The following PRRT1B variants were observed in gnomAD, a reference collection of about 807,000 sequenced individuals.
PRRT1B encodes the protein proline rich transmembrane protein 1B.
Position 131,551,109 on chromosome 9 carries a change from AT to A in PRRT1B, c.26-3442del, listed in dbSNP as rs1169577244. Among the ~76,000 whole-genome samples, 11 of 151,186 alleles carry A rather than the reference AT, an allele frequency of 7.3e-5. No individual in the cohort carries two copies. Among genetic ancestry groups the A allele is most frequent in the African/African-American group, 2.7e-4 (11 of 41,216 alleles). On this transcript the variant is annotated intron_variant, in intron 1 of 3. Transcript: ENST00000636672. The surrounding 1 kb of genome is among the most constrained non-coding windows in gnomAD (Gnocchi z 4.4). ...AGGCACCCGCCACCATGCTCCGCTA[AT>A]TTTTTGTATTTTTAGTAGAGACGGG...
intron 1 of PRRT1B, among the ~76,000 whole-genome samples, chr9:131,548,712 TC>T (rs908085855): frequency 2.0e-5 from 3 of 152,102 alleles, no homozygotes; most frequent in African/African-American, 7.2e-5. Flanking sequence ...ATCTGACCTC[TC>T]CCCTCCTCCC....
chr9:131,557,582 G>A (rs1951058795), intron 3 of PRRT1B, among the ~76,000 whole-genome samples: 1 of 152,146 alleles, frequency 6.6e-6, no homozygotes, highest in South Asian at 2.1e-4. Context: ...GGGGGCCTAT[G>A]CTCAAGGCTG....
intron 3 of PRRT1B, among the ~76,000 whole-genome samples, 192 bp from the exon 4 acceptor site, chr9:131,557,861 C>A (rs1244375460): frequency 6.6e-6 from 1 of 152,254 alleles, no homozygotes; most frequent in East Asian, 1.9e-4. Context: ...GCGTGACAAG[C>A]GCCTGATGGC....
At chr9:131,550,797 C>T (rs1185870094) in intron 1 of PRRT1B, among the ~76,000 whole-genome samples, 2 of 152,188 alleles carry the variant, frequency 1.3e-5, no homozygotes, top group Non-Finnish European at 2.9e-5. Context: ...CTAATCTTTT[C>T]TGGCAGGGCT....
intron 1 of PRRT1B, among the ~76,000 whole-genome samples, chr9:131,552,839 A>ATTTT (rs61662684): frequency 1.1e-4 from 15 of 133,798 alleles, no homozygotes; most frequent in Non-Finnish European, 1.1e-4. Flanking sequence ...CACCTGGTTA[A>ATTTT]TTTTTTTTTT....
intron 1 of PRRT1B, among the ~76,000 whole-genome samples, chr9:131,552,825 G>T (rs1951020420): frequency 6.7e-6 from 1 of 149,944 alleles, no homozygotes; most frequent in Admixed American, 6.7e-5. Flanking sequence ...CACTTGTGCT[G>T]CCACACCTGG....
exon 1 of PRRT1B, chr9:131,545,536 C>T (rs866388374): frequency 2.5e-6 from 1 of 394,840 alleles, no homozygotes; most frequent in Middle Eastern, 6.4e-4. Context: ...CCTGAGCCCG[C>T]GGCGCAAGCG....
intron 1 of PRRT1B, among the ~76,000 whole-genome samples, chr9:131,552,754 C>T (rs933526645): frequency 6.6e-6 from 1 of 151,378 alleles, no homozygotes; most frequent in Non-Finnish European, 1.5e-5. Flanking sequence ...CTCACTGCAA[C>T]CTTCACCTCT....
Position 131,545,652 on chromosome 9 carries a change from G to T in PRRT1B, c.25+12G>T, listed in dbSNP as rs1237899787. 3 of 400,830 alleles carry T rather than the reference G, an allele frequency of 7.5e-6. No individual in the cohort carries two copies. The highest frequency in any genetic ancestry group is 6.2e-5 in the African/African-American group (3 of 48,496). The allele number at this position is 400,830 out of a possible 1,614,324, so 24.8% of individuals were successfully genotyped here. A position where few individuals can be genotyped will look rare whatever the true frequency, so the allele number is the denominator to read the frequency against. ...AGCTGGAGGGGCAGGTGCCGGAGGG[G>T]CAGGTGCTGGTGGGACAGGTACTGG... is the stretch of plus-strand genomic sequence containing the variant. On this transcript the variant is annotated intron_variant, in intron 1 of 3. Coordinates refer to ENST00000636672, the Ensembl canonical transcript of PRRT1B.
chr9:131,557,618 C>T (rs1951059003), intron 3 of PRRT1B, among the ~76,000 whole-genome samples: 1 of 152,232 alleles, frequency 6.6e-6, no homozygotes, highest in African/African-American at 2.4e-5. Context: ...TGGCTTGACT[C>T]TGCTGTTCAA....
chr9:131,557,910 G>A, intron 3 of PRRT1B, 143 bp from the exon 4 acceptor site: 5 of 397,220 alleles, frequency 1.3e-5, no homozygotes, highest in Non-Finnish European at 2.2e-5. Context: ...CCCCTTTCGA[G>A]CTGTGGGCCT....
At chr9:131,546,436 T>C (rs1482640268) in intron 1 of PRRT1B, among the ~76,000 whole-genome samples, 5 of 151,926 alleles carry the variant, frequency 3.3e-5, no homozygotes, top group Non-Finnish European at 5.9e-5. Context: ...CGAGACCTCG[T>C]CCTTGCCCTG....
chr9:131,546,088 G>A (rs1383100725), intron 1 of PRRT1B, among the ~76,000 whole-genome samples: 1 of 152,164 alleles, frequency 6.6e-6, no homozygotes, highest in East Asian at 1.9e-4. Context: ...GGGCAGCGGC[G>A]GTTCATTCTC....
At chr9:131,553,078 T>C (rs1951022473) in intron 1 of PRRT1B, among the ~76,000 whole-genome samples, 1 of 152,162 alleles carries the variant, frequency 6.6e-6, no homozygotes, top group African/African-American at 2.4e-5. Flanking sequence ...TTGTCTAGAC[T>C]TTTCAGTTGT....
intron 1 of PRRT1B, among the ~76,000 whole-genome samples, chr9:131,552,906 G>A (rs1191967656): frequency 6.8e-6 from 1 of 146,354 alleles, no homozygotes; most frequent in Non-Finnish European, 1.5e-5. Context: ...GGGTGGTCTC[G>A]AACTGCTGAG....
intron 1 of PRRT1B, among the ~76,000 whole-genome samples, chr9:131,546,887 GAC>G (rs1035891244): frequency 1.6e-4 from 25 of 152,218 alleles, no homozygotes; most frequent in African/African-American, 4.8e-4. Context: ...CTGGGGCAGG[GAC>G]ACCATCCCGG....
chr9:131,555,223 C>T (rs1951041167), intron 2 of PRRT1B, among the ~76,000 whole-genome samples, 194 bp downstream of exon 2: 1 of 151,882 alleles, frequency 6.6e-6, no homozygotes, highest in Admixed American at 6.6e-5. Context: ...CGACGGGCGC[C>T]CTGGACAGAG....
chr9:131,555,247 C>T (rs978458330), intron 2 of PRRT1B, among the ~76,000 whole-genome samples: 1 of 152,110 alleles, frequency 6.6e-6, no homozygotes, highest in Admixed American at 6.5e-5. Context: ...ACCGCACAGG[C>T]GTGGAGGGGC....
chr9:131,548,708 C>A (rs187382061), intron 1 of PRRT1B, among the ~76,000 whole-genome samples: 5 of 152,132 alleles, frequency 3.3e-5, no homozygotes, highest in African/African-American at 7.2e-5. Flanking sequence ...ACCCATCTGA[C>A]CTCTCCCCTC....
Sources: allele counts gnomAD v4.1 joint callset (sites outside exome capture counted in the v4.1 genomes callset), GRCh38; gene constraint gnomAD v4.1.1; non-coding constraint Gnocchi (gnomAD v3.1); transcripts MANE v1.5; gene names NCBI Gene and HGNC (gene_info 2026-07-23, HGNC 2026-07-21).